The following ZNF362 variants were observed in gnomAD, a reference collection of about 807,000 sequenced individuals.
ZNF362 encodes the protein rotund homolog.
ZNF362 carries 11 observed loss-of-function variants against 42.9 expected under a neutral mutation model. That is an observed-to-expected ratio of 0.26 (90% CI 0.16 to 0.42). The LOEUF (loss-of-function observed/expected upper bound fraction) is 0.42. Among genes scored for constraint, ZNF362 ranks in the 20% least tolerant of loss-of-function variants. The probability of loss-of-function intolerance (pLI) is 1.00; values close to 1 mark genes in which losing one functional copy is unlikely to be tolerated. For synonymous variants in ZNF362, 255 were observed against 257.3 expected (o/e 0.99, Z 0.09); for missense variants, 362 against 576.2 (o/e 0.63, Z 3.81).
intron 1 of ZNF362, among the ~76,000 whole-genome samples, chr1:33,264,062 T>C (rs990690654): frequency 6.6e-6 from 1 of 152,224 alleles, no homozygotes; most frequent in Admixed American, 6.5e-5. Flanking sequence ...CTGTTTGGCC[T>C]GCCCCACAGG....
chr1:33,271,803 T>G (rs1318549206), intron 2 of ZNF362, among the ~76,000 whole-genome samples: 1 of 151,448 alleles, frequency 6.6e-6, no homozygotes, highest in Non-Finnish European at 1.5e-5. Context: ...TAGATCACTG[T>G]GTGTCTGCAG....
At chr1:33,151,559 C>G in the ZNF362 span, among the ~76,000 whole-genome samples, 1 of 152,142 alleles carries the variant, frequency 6.6e-6, no homozygotes, top group African/African-American at 2.4e-5. Context: ...TCAGTTCCTC[C>G]ATCTGTCCCT....
chr1:33,172,905 C>T, the ZNF362 span, among the ~76,000 whole-genome samples: 2 of 152,198 alleles, frequency 1.3e-5, no homozygotes, highest in East Asian at 3.8e-4. Context: ...GGCTCACCTC[C>T]GCAAGCTTTC....
the ZNF362 span, among the ~76,000 whole-genome samples, chr1:33,189,718 TAC>T: frequency 8.0e-5 from 10 of 125,744 alleles, no homozygotes; most frequent in East Asian, 2.2e-4. Context: ...CGTATATATA[TAC>T]ATACACACAT....
the ZNF362 span, among the ~76,000 whole-genome samples, chr1:33,149,466 A>G: frequency 1.3e-5 from 2 of 150,738 alleles, 1 homozygote; most frequent in East Asian, 4.0e-4. Context: ...TTTAAAAAAA[A>G]AAAATACAGA....
chr1:33,258,383 C>T (rs1001786970), intron 1 of ZNF362, among the ~76,000 whole-genome samples: 1 of 152,138 alleles, frequency 6.6e-6, no homozygotes, highest in Admixed American at 6.5e-5. Flanking sequence ...TAGTCTCACT[C>T]CTGGTTTGTG....
intron 6 of ZNF362, among the ~76,000 whole-genome samples, chr1:33,291,202 A>C (rs1436991293): frequency 6.6e-6 from 1 of 152,116 alleles, no homozygotes; most frequent in African/African-American, 2.4e-5. Flanking sequence ...TTTTAGGTCT[A>C]ACATTTAAGT....
At chr1:33,152,612 T>C in the ZNF362 span, among the ~76,000 whole-genome samples, 1 of 150,114 alleles carries the variant, frequency 6.7e-6, no homozygotes, top group Non-Finnish European at 1.5e-5. Context: ...CATCTGTCGA[T>C]TCATGATGAT....
the ZNF362 span, among the ~76,000 whole-genome samples, chr1:33,128,235 G>A: frequency 3.0e-3 from 450 of 151,044 alleles, no homozygotes; most frequent in African/African-American, 0.011. Context: ...TCAGCCAGGC[G>A]TGGTGGCAAG....
the ZNF362 span, among the ~76,000 whole-genome samples, chr1:33,157,692 T>G: frequency 6.6e-6 from 1 of 152,070 alleles, no homozygotes; most frequent in Admixed American, 6.6e-5. Context: ...CTATGAAGTG[T>G]CCAGGCCTCA....
chr1:33,147,273 C>T, the ZNF362 span: 10 of 1,614,176 alleles, frequency 6.2e-6, no homozygotes, highest in Non-Finnish European at 8.5e-6. The surrounding 1 kb of genome is among the most constrained non-coding windows in gnomAD (Gnocchi z 8.1). Context: ...TGCCAGGGAA[C>T]TTCTCGCGGA....
At chr1:33,235,764 G>T in the ZNF362 span, among the ~76,000 whole-genome samples, 1 of 152,188 alleles carries the variant, frequency 6.6e-6, no homozygotes, top group Non-Finnish European at 1.5e-5. Context: ...GACCTAACAG[G>T]ATTCTTGCTG....
chr1:33,181,215 T>C, the ZNF362 span: 1 of 1,578,420 alleles, frequency 6.3e-7, no homozygotes, highest in Non-Finnish European at 8.6e-7. This position sits in a 1 kb window ranked among gnomAD's most constrained non-coding sequence, Gnocchi z 6.5. Context: ...GCTGTAGCGC[T>C]CCACGATGTT....
the ZNF362 span, among the ~76,000 whole-genome samples, chr1:33,189,660 T>C: frequency 2.2e-4 from 4 of 17,794 alleles, no homozygotes; most frequent in African/African-American, 3.3e-4. Flanking sequence ...TATATATATA[T>C]ATATATATAT....
chr1:33,243,688 C>T, the ZNF362 span, among the ~76,000 whole-genome samples: 1 of 151,892 alleles, frequency 6.6e-6, no homozygotes, highest in Non-Finnish European at 1.5e-5. Flanking sequence ...GCTCCGCCTC[C>T]CAGGTTCATG....
chr1:33,272,753 C>T (rs1166739778), intron 2 of ZNF362, among the ~76,000 whole-genome samples: 5 of 152,204 alleles, frequency 3.3e-5, no homozygotes, highest in Non-Finnish European at 7.3e-5. Flanking sequence ...GCCACCTTCT[C>T]ACCACCAGCA....
the ZNF362 span, among the ~76,000 whole-genome samples, chr1:33,250,113 A>C: frequency 6.6e-6 from 1 of 152,194 alleles, no homozygotes; most frequent in African/African-American, 2.4e-5. Context: ...TACAGCACCC[A>C]CTATGCACCA....
At chr1:33,137,402 T>C in the ZNF362 span, among the ~76,000 whole-genome samples, 22 of 152,236 alleles carry the variant, frequency 1.4e-4, no homozygotes, top group Non-Finnish European at 2.9e-4. Context: ...ATAATTATTA[T>C]GTTAATGATA....
the ZNF362 span, among the ~76,000 whole-genome samples, chr1:33,233,596 G>T: frequency 6.6e-6 from 1 of 151,990 alleles, no homozygotes; most frequent in African/African-American, 2.4e-5. Flanking sequence ...TAGAGACGGG[G>T]TTTCACCATG....
Sources: gnomAD v4.1 joint callset for allele counts (sites outside exome capture counted in the v4.1 genomes callset) on GRCh38, gnomAD v4.1.1 for gene constraint, Gnocchi (gnomAD v3.1) non-coding constraint, MANE v1.5 for transcripts, NCBI Gene and HGNC (gene_info 2026-07-23, HGNC 2026-07-21) for gene names.